KSR1: variants seen among roughly 807,000 people sequenced by gnomAD.
The protein encoded by KSR1 is kinase suppressor of ras 1.
KSR1 carries 35 observed loss-of-function variants against 92.9 expected under a neutral mutation model. The observed-to-expected ratio is 0.38, with a 90% confidence interval of 0.29 to 0.50. The LOEUF is 0.50. KSR1 is among the 20% of genes least tolerant of loss of function. The pLI is 0.94. For missense variants in KSR1, 972 were observed against 1,158.5 expected (o/e 0.84, Z 2.34); for synonymous variants, 467 against 472.6 (o/e 0.99, Z 0.15).
At chr17:27,468,039 G>A (rs561197976) in intron 1 of KSR1, among the ~76,000 whole-genome samples, 2 of 151,760 alleles carry the variant, frequency 1.3e-5, no homozygotes, top group African/African-American at 4.8e-5. Flanking sequence ...GGATGGTCTC[G>A]ATCTCCTGAC....
intron 1 of KSR1, among the ~76,000 whole-genome samples, chr17:27,512,803 C>T (rs1432275236): frequency 6.6e-6 from 1 of 152,160 alleles, no homozygotes; most frequent in Non-Finnish European, 1.5e-5. Context: ...TTCATTTTTA[C>T]TTTGTTTATA....
In KSR1 at chr17:27,592,567, C is replaced by T. The variant is rs1035458326; in HGVS notation, c.1240C>T (p.Pro414Ser). The change falls in exon 9 of 21, where the codon CCG becomes TCG. Residue 414 changes from proline to serine, a missense_variant. This residue lies in a region of KSR1 where 611 missense variants were observed against 668.0 expected (regional missense o/e 0.91). Coordinates refer to ENST00000644974, the MANE Select transcript of KSR1 (RefSeq NM_001394583.1). ...TESVPSDINNPVDRAAEPHFG... is the reference protein window; with the variant it reads ...TESVPSDINNSVDRAAEPHFG... ...ATCTGTCCCCTCGGACATCAACAAC[C>T]CGGTGGACAGAGCAGCCGAACCCCA... 3 of 1,613,880 alleles carry T rather than the reference C, an allele frequency of 1.9e-6. No homozygotes were observed. Among genetic ancestry groups the T allele is most frequent in the Non-Finnish European group, 2.5e-6 (3 of 1,179,908 alleles).
At chr17:27,543,840 G>A (rs918514913) in intron 1 of KSR1, among the ~76,000 whole-genome samples, 4 of 152,170 alleles carry the variant, frequency 2.6e-5, no homozygotes, top group Admixed American at 6.5e-5. Context: ...GGTCTTGGCC[G>A]TCTCGCCTTT....
intron 14 of KSR1, among the ~76,000 whole-genome samples, chr17:27,606,991 C>T (rs1260904761): frequency 6.6e-6 from 1 of 152,020 alleles, no homozygotes; most frequent in African/African-American, 2.4e-5. Flanking sequence ...GCCACCACGC[C>T]TCGCTAATTT....
intron 15 of KSR1, among the ~76,000 whole-genome samples, chr17:27,608,719 C>G (rs1026499939): frequency 1.3e-5 from 2 of 152,224 alleles, no homozygotes; most frequent in African/African-American, 2.4e-5. Context: ...ATTAGGAGCA[C>G]TCAAAGTTGG....
chr17:27,469,781 C>G (rs2150918532), intron 1 of KSR1, among the ~76,000 whole-genome samples: 1 of 152,172 alleles, frequency 6.6e-6, no homozygotes, highest in African/African-American at 2.4e-5. Context: ...TTTTAGTTGC[C>G]ACATGAGAGT....
Position 27,605,350 on chromosome 17 carries a change from C to T in KSR1, c.1615-84C>T. Reference sequence around the variant, plus strand: ...GGCAGGATGCCTCTCTCCCCTGTTACCTGGCTAGGGCTCCAGGAGAAGGAA... The same window carrying T: ...GGCAGGATGCCTCTCTCCCCTGTTATCTGGCTAGGGCTCCAGGAGAAGGAA... On this transcript the variant is annotated intron_variant, in intron 13 of 20. Coordinates refer to ENST00000644974, the MANE Select transcript of KSR1 (RefSeq NM_001394583.1). 13 of 1,505,816 alleles carry T rather than the reference C, an allele frequency of 8.6e-6. No individual in the cohort carries two copies. The South Asian group carries it at 1.7e-4, about 19-fold the overall frequency. The allele number at this position is 1,505,816 out of a possible 1,614,324, so 93.3% of individuals were successfully genotyped here.
intron 2 of KSR1, among the ~76,000 whole-genome samples, chr17:27,558,412 C>T (rs891742466): frequency 6.6e-6 from 1 of 151,980 alleles, no homozygotes; most frequent in Non-Finnish European, 1.5e-5. Context: ...ACAGTTTCAT[C>T]AAGGTATGAT....
chr17:27,611,587 G>A lies in KSR1; in HGVS notation c.2451G>A (p.Met817Ile), dbSNP rs536316283. ...SIWQIGSGEGMKRVLTSVSLG... is the reference protein window; with the variant it reads ...SIWQIGSGEGIKRVLTSVSLG... ...GGCAGATTGGAAGCGGGGAAGGAAT[G>A]AAGCGTGTCCTGACTTCTGTCAGCT... The change falls in exon 18 of 21, where the codon ATG (methionine) becomes ATA (isoleucine). Residue 817 changes from methionine (M) to isoleucine (I), a missense_variant. Met to Ile is a conservative substitution (Grantham distance 10, BLOSUM62 1). Coordinates refer to ENST00000644974, the MANE Select transcript of KSR1 (RefSeq NM_001394583.1). 6.2e-7 allele frequency: 1 copy of A among 1,613,896 alleles called. No individual in the cohort carries two copies.
At chr17:27,560,019 TG>T (rs2071758348) in intron 2 of KSR1, among the ~76,000 whole-genome samples, 1 of 152,118 alleles carries the variant, frequency 6.6e-6, no homozygotes. Context: ...TGCATTCACA[TG>T]GGGATGGGCT....
intron 1 of KSR1, among the ~76,000 whole-genome samples, chr17:27,497,439 G>A (rs2069028162): frequency 6.6e-6 from 1 of 152,196 alleles, no homozygotes; most frequent in Non-Finnish European, 1.5e-5. Context: ...CCATAATGAA[G>A]AAGATGTCTC....
intron 9 of KSR1, among the ~76,000 whole-genome samples, chr17:27,597,051 A>T (rs1202771592): frequency 2.0e-5 from 3 of 152,196 alleles, no homozygotes; most frequent in African/African-American, 7.2e-5. Context: ...CTTGAGCTGA[A>T]ATCAGAAAGC....
chr17:27,510,222 T>C (rs1209246343), intron 1 of KSR1, among the ~76,000 whole-genome samples: 2 of 152,336 alleles, frequency 1.3e-5, no homozygotes, highest in East Asian at 3.9e-4. Context: ...ACCAAGACTC[T>C]GGAAAAACCA....
intron 19 of KSR1, among the ~76,000 whole-genome samples, chr17:27,619,945 G>A (rs999156526): frequency 3.3e-5 from 5 of 152,058 alleles, no homozygotes; most frequent in South Asian, 2.1e-4. Flanking sequence ...AACTCCAAAC[G>A]CCTTGGCCTC....
At chr17:27,585,948 T>TGA in intron 5 of KSR1, 2 of 366,192 alleles carry the variant, frequency 5.5e-6, no homozygotes, top group Non-Finnish European at 1.0e-5. Context: ...CACCTTGCCC[T>TGA]TCCCCACCGA....
chr17:27,553,519 G>T (rs569914076), intron 2 of KSR1, among the ~76,000 whole-genome samples: 14 of 152,336 alleles, frequency 9.2e-5, no homozygotes, highest in African/African-American at 3.1e-4. Flanking sequence ...TCACCAGCAG[G>T]GCCAGGAGGA....
At chr17:27,594,524 C>T (rs534173514) in intron 9 of KSR1, among the ~76,000 whole-genome samples, 1 of 152,124 alleles carries the variant, frequency 6.6e-6, no homozygotes, top group Non-Finnish European at 1.5e-5. Context: ...CCAACTTCCC[C>T]ATGAGCCCCT....
At chr17:27,483,138 G>A (rs1028141887) in intron 1 of KSR1, among the ~76,000 whole-genome samples, 1 of 151,992 alleles carries the variant, frequency 6.6e-6, no homozygotes, top group African/African-American at 2.4e-5. Flanking sequence ...TTTTTCAAGT[G>A]TGTGAACTAG....
chr17:27,520,333 G>A (rs2069969907), intron 1 of KSR1, among the ~76,000 whole-genome samples: 1 of 152,162 alleles, frequency 6.6e-6, no homozygotes, highest in African/African-American at 2.4e-5. Flanking sequence ...GATCCAAGTG[G>A]TTTCTGTATG....
Sources: gnomAD v4.1 joint callset for allele counts (sites outside exome capture counted in the v4.1 genomes callset) on GRCh38, gnomAD v4.1.1 for gene constraint, gnomAD v4.1.1 regional missense constraint, MANE v1.5 for transcripts, NCBI Gene and HGNC (gene_info 2026-07-23, HGNC 2026-07-21) for gene names.